The following BMS1 variants were observed in gnomAD, a reference collection of about 807,000 sequenced individuals.
BMS1 encodes the protein BMS1 ribosome biogenesis factor.
A neutral mutation model predicts 138.7 loss-of-function variants in BMS1; 53 were observed. The observed-to-expected ratio is 0.38, with a 90% CI of 0.31 to 0.48. The LOEUF (loss-of-function observed/expected upper bound fraction) is 0.48. Ranked by LOEUF, BMS1 falls within the 20% of genes least tolerant of loss-of-function variation. The pLI is 0.97. For synonymous variants in BMS1, 504 were observed against 539.9 expected, an observed-to-expected ratio of 0.93 and a Z score of 0.92; for missense variants, 1,360 against 1,565.5, an observed-to-expected ratio of 0.87 and a Z score of 2.22.
chr10:42,796,479 T>C lies in BMS1; in HGVS notation c.1235T>C (p.Met412Thr), dbSNP rs1841685835. 1.2e-6 allele frequency: 2 copies of C among 1,610,800 alleles called. No individual in the cohort carries two copies. Among genetic ancestry groups the C allele is most frequent in the Non-Finnish European group, 1.7e-6 (2 of 1,177,272 alleles). Residue 412 changes from methionine (M) to threonine (T), a missense_variant, in exon 10 of 23, where the codon ATG becomes ACG. Around this residue, in one of 3 missense-constraint regions of BMS1, gnomAD observed 697 missense variants for 686.2 expected, o/e 1.02. Coordinates refer to ENST00000374518, the MANE Select transcript of BMS1 (RefSeq NM_014753.4). ...GSEDIDNQGL[M>T]MPKEEKQMDL... Reference sequence around the variant, plus strand: ...GTATTTCCTTGGTAATACAGGCTAATGATGCCAAAGGAGGAAAAACAAATG... The same window carrying C: ...GTATTTCCTTGGTAATACAGGCTAACGATGCCAAAGGAGGAAAAACAAATG...
rs1184480653 is a variant in BMS1 at position 42,822,556 on chromosome 10, G to A, written c.3132+372G>A. Among the ~76,000 whole-genome samples, 7 of 152,274 alleles carry A rather than the reference G, an allele frequency of 4.6e-5. 1 individual carries two copies. Among genetic ancestry groups the A allele is most frequent in the Admixed American group, 3.9e-4 (6 of 15,306 alleles). ...TGTCTAACCATTCAGTAGAAAAATCGACAAAGCATTTGCAGACAACTTGGC... is the reference window on the plus strand; with the variant it reads ...TGTCTAACCATTCAGTAGAAAAATCAACAAAGCATTTGCAGACAACTTGGC... On this transcript the variant is annotated intron_variant, in intron 19 of 22. Coordinates refer to ENST00000374518, the MANE Select transcript of BMS1 (RefSeq NM_014753.4).
chr10:42,815,109 A>G (rs1842306770), intron 13 of BMS1, among the ~76,000 whole-genome samples: 1 of 152,108 alleles, frequency 6.6e-6, no homozygotes, highest in African/African-American at 2.4e-5. Context: ...TCTTCTCTAG[A>G]CCAGAAATCC....
intron 21 of BMS1, among the ~76,000 whole-genome samples, chr10:42,827,754 G>A (rs1842690948): frequency 6.6e-6 from 1 of 152,036 alleles, no homozygotes; most frequent in African/African-American, 2.4e-5. Flanking sequence ...GATGCACTCT[G>A]GGGCTCTCCT....
At chr10:42,818,907 A>C (rs1273118361) in intron 15 of BMS1, among the ~76,000 whole-genome samples, 1 of 152,162 alleles carries the variant, frequency 6.6e-6, no homozygotes, top group African/African-American at 2.4e-5. Context: ...CCAGTTGTAC[A>C]TGGAGGCGAA....
chr10:42,800,749 G>A (rs777444828), intron 12 of BMS1, among the ~76,000 whole-genome samples: 2 of 151,996 alleles, frequency 1.3e-5, no homozygotes, highest in African/African-American at 2.4e-5. Context: ...GGCTGGTCTC[G>A]AACTCCTGAC....
At chr10:42,804,054 A>G (rs1292615862) in intron 13 of BMS1, among the ~76,000 whole-genome samples, 1 of 152,244 alleles carries the variant, frequency 6.6e-6, no homozygotes, top group Non-Finnish European at 1.5e-5. Flanking sequence ...AGATTCATCC[A>G]TGCTGTTGCA....
At chr10:42,828,730 AT>A (rs1343288415) in intron 21 of BMS1, among the ~76,000 whole-genome samples, 6 of 151,978 alleles carry the variant, frequency 3.9e-5, no homozygotes, top group African/African-American at 1.5e-4. Flanking sequence ...ATTTGAAAAG[AT>A]TTGTTTTCAT....
intron 13 of BMS1, among the ~76,000 whole-genome samples, chr10:42,809,827 C>T (rs1027332312): frequency 2.0e-5 from 3 of 152,074 alleles, no homozygotes; most frequent in African/African-American, 7.2e-5. Context: ...CCTCTGTCAC[C>T]CAGGCTGGAG....
At chr10:42,811,515 A>AT in intron 13 of BMS1, among the ~76,000 whole-genome samples, 1 of 112,128 alleles carries the variant, frequency 8.9e-6, no homozygotes, top group South Asian at 3.4e-4. Context: ...CACGTGTTGT[A>AT]TTTTCTTTTT....
chr10:42,799,637 T>C (rs995323571), intron 12 of BMS1, among the ~76,000 whole-genome samples: 1 of 152,178 alleles, frequency 6.6e-6, no homozygotes, highest in Non-Finnish European at 1.5e-5. Context: ...TTGTTCAGCC[T>C]AATGGGTTGC....
intron 13 of BMS1, among the ~76,000 whole-genome samples, chr10:42,812,443 G>A (rs968929342): frequency 3.9e-5 from 6 of 152,112 alleles, no homozygotes; most frequent in Non-Finnish European, 7.4e-5. Context: ...CCCGGCCTCC[G>A]CCTAGTTTTA....
At chr10:42,784,637 A>G (rs1841267910) in intron 2 of BMS1, 67 bp downstream of exon 2, 1 of 1,517,318 alleles carries the variant, frequency 6.6e-7, no homozygotes, top group Non-Finnish European at 8.8e-7. Context: ...AGCCTCTCAC[A>G]GGTGACATTT....
chr10:42,788,108 G>C (rs1303382972), intron 4 of BMS1, among the ~76,000 whole-genome samples: 1 of 152,102 alleles, frequency 6.6e-6, no homozygotes, highest in Non-Finnish European at 1.5e-5. Flanking sequence ...AAAGTAAAAA[G>C]TAATACAGAT....
At chr10:42,806,174 C>G (rs1475488875) in intron 13 of BMS1, among the ~76,000 whole-genome samples, 1 of 152,182 alleles carries the variant, frequency 6.6e-6, no homozygotes, top group East Asian at 1.9e-4. Flanking sequence ...GCCTGGGCTT[C>G]CAATTCTGCT....
chr10:42,830,226 T>C lies in BMS1; in HGVS notation c.3457-35T>C, dbSNP rs772003627. The C allele has an allele frequency of 3.8e-6, 6 of 1,599,596 alleles. No homozygotes were observed. In the Admixed American group the frequency reaches 1.1e-4, roughly 29 times the overall value. On this transcript the variant is annotated intron_variant, in intron 21 of 22. Coordinates refer to ENST00000374518, the MANE Select transcript of BMS1 (RefSeq NM_014753.4). ...AGTTTTAAATGCACATTGATCATAA[T>C]TTGAATATGTCACAGTCTTTGTTTT...
Position 42,834,243 on chromosome 10 carries a change from TGTTTTC to T in BMS1, c.*3148_*3153del, listed in dbSNP as rs970226500. ...TTTCCTATTTGTGGATGTACTAGAT[TGTTTTC>T]TTTTTTTAACAAAACCTGTGAACTT... On this transcript the variant is annotated 3_prime_UTR_variant, in exon 23 of 23. Transcript: ENST00000374518. 6.9e-6 allele frequency: 1 copy of T among 143,964 alleles called. No homozygotes were observed. Among genetic ancestry groups the T allele is most frequent in the African/African-American group, 2.7e-5 (1 of 37,208 alleles). The allele number at this position is 143,964 out of a possible 1,614,324, so 8.9% of individuals were successfully genotyped here. A position where few individuals can be genotyped will look rare whatever the true frequency, so the allele number is the denominator to read the frequency against.
rs528125989 is a variant in BMS1 at position 42,814,959 on chromosome 10, T to TG, written c.2330-1638dup. On this transcript the variant is annotated intron_variant, in intron 13 of 22. Transcript: ENST00000374518. ...ACTCTGGGCCTGGTCAACTTCCTAT[T>TG]GGATGAGGTCCAGGGAGACACCTGG... is the stretch of plus-strand genomic sequence containing the variant. Among the ~76,000 whole-genome samples the TG allele has an allele frequency of 2.4e-3, 368 of 152,322 alleles. 1 individual carries two copies. The highest frequency in any genetic ancestry group is 8.3e-3 in the African/African-American group (345 of 41,562).
At chr10:42,803,999 G>A (rs1841946190) in intron 13 of BMS1, among the ~76,000 whole-genome samples, 1 of 152,144 alleles carries the variant, frequency 6.6e-6, no homozygotes, top group African/African-American at 2.4e-5. Flanking sequence ...CCTACAATAT[G>A]TACTCTTTTC....
chr10:42,784,680 A>G (rs2132288089), intron 2 of BMS1, 110 bp downstream of exon 2: 4 of 1,240,058 alleles, frequency 3.2e-6, no homozygotes, highest in Non-Finnish European at 4.3e-6. Flanking sequence ...TCCAAAGGAC[A>G]TGGAGATTCA....
Sources: gnomAD v4.1 joint callset for allele counts (sites outside exome capture counted in the v4.1 genomes callset) on GRCh38, gnomAD v4.1.1 for gene constraint, gnomAD v4.1.1 regional missense constraint, MANE v1.5 for transcripts, NCBI Gene and HGNC (gene_info 2026-07-23, HGNC 2026-07-21) for gene names.